CDH13: variants seen among roughly 807,000 people sequenced by gnomAD.
The protein encoded by CDH13 is cadherin-13.
Under a neutral mutation model 63.8 loss-of-function variants are expected in CDH13, and 24 were observed. That is an observed-to-expected ratio of 0.38 (90% CI 0.27 to 0.53). The LOEUF (loss-of-function observed/expected upper bound fraction) is 0.53. CDH13 is among the 20% of genes least tolerant of loss of function. CDH13 has a pLI of 0.85. For synonymous variants in CDH13, 503 were observed against 355.3 expected, an observed-to-expected ratio of 1.42 and a Z score of -4.67; for missense variants, 1,049 against 903.1, an observed-to-expected ratio of 1.16 and a Z score of -2.07.
At chr16:83,631,214 C>T (rs1910751605) in intron 8 of CDH13, among the ~76,000 whole-genome samples, 1 of 152,104 alleles carries the variant, frequency 6.6e-6, no homozygotes, top group Non-Finnish European at 1.5e-5. Flanking sequence ...GAATTCTGCT[C>T]CTGGAAGAAT....
intron 5 of CDH13, among the ~76,000 whole-genome samples, chr16:83,267,101 G>C (rs1280840797): frequency 2.6e-5 from 4 of 152,166 alleles, no homozygotes; most frequent in Admixed American, 6.5e-5. Flanking sequence ...GTGAAATCCT[G>C]AAGTGCAGCA....
chr16:82,801,712 C>A (rs1484314356), intron 1 of CDH13, among the ~76,000 whole-genome samples: 2 of 152,212 alleles, frequency 1.3e-5, no homozygotes, highest in Admixed American at 1.3e-4. Flanking sequence ...ACATGACATA[C>A]AAAATTATTC....
intron 1 of CDH13, among the ~76,000 whole-genome samples, chr16:82,679,926 C>G (rs953310212): frequency 3.3e-5 from 5 of 152,148 alleles, no homozygotes; most frequent in African/African-American, 1.2e-4. Context: ...CGAGTATGAG[C>G]CCACAGGAAA....
chr16:82,685,762 C>G (rs1385264745), intron 1 of CDH13, among the ~76,000 whole-genome samples: 2 of 152,176 alleles, frequency 1.3e-5, no homozygotes, highest in African/African-American at 2.4e-5. Flanking sequence ...CCTATGTGCC[C>G]TCAGCCCTGT....
At chr16:82,807,432 G>T (rs1176001283) in intron 1 of CDH13, among the ~76,000 whole-genome samples, 2 of 152,158 alleles carry the variant, frequency 1.3e-5, no homozygotes, top group East Asian at 3.9e-4. Flanking sequence ...GAATAGCAGG[G>T]TTAGAACAAT....
chr16:83,664,580 A>C (rs143286914), intron 8 of CDH13, among the ~76,000 whole-genome samples: 2 of 151,368 alleles, frequency 1.3e-5, no homozygotes, highest in African/African-American at 4.8e-5. Flanking sequence ...AGTGCACACA[A>C]ACATGATGTG....
At position 83,315,031 on chromosome 16, in the gene CDH13, A is replaced by G. The variant is rs145382888; in HGVS notation, c.637-29831A>G. On this transcript the variant is annotated intron_variant, in intron 5 of 13. Transcript: ENST00000567109. ...CTGTGTGACTTTGGACAAGGCACTT[A>G]TATTCAACTACAAAAGGGTCACCCA... Among the ~76,000 whole-genome samples the G allele has an allele frequency of 1.4e-4, 21 of 152,324 alleles. No individual in the cohort carries two copies. In the East Asian group the frequency reaches 3.3e-3, roughly 24 times the overall value.
chr16:83,421,066 AG>A (rs2071700610), intron 6 of CDH13, among the ~76,000 whole-genome samples: 1 of 152,190 alleles, frequency 6.6e-6, no homozygotes. Context: ...AAGCTGTGTA[AG>A]TGGATAAGAT....
chr16:83,159,230 T>G (rs562607754), intron 4 of CDH13, among the ~76,000 whole-genome samples: 1 of 152,346 alleles, frequency 6.6e-6, no homozygotes, highest in Non-Finnish European at 1.5e-5. Context: ...CTGCTGATTC[T>G]ATATCTCTGA....
chr16:83,370,944 C>G (rs1478635847), intron 6 of CDH13, among the ~76,000 whole-genome samples: 1 of 152,158 alleles, frequency 6.6e-6, no homozygotes, highest in Non-Finnish European at 1.5e-5. Flanking sequence ...TGCTCAACAT[C>G]ACTAATCATT....
At chr16:82,805,937 G>A (rs1035533261) in intron 1 of CDH13, among the ~76,000 whole-genome samples, 8 of 152,142 alleles carry the variant, frequency 5.3e-5, no homozygotes, top group Admixed American at 1.3e-4. Flanking sequence ...CTTTCTACCA[G>A]TTGGTGAAAA....
rs549728356 is a variant in CDH13 at position 82,789,173 on chromosome 16, G to A, written c.46-69189G>A. Among the ~76,000 whole-genome samples the A allele has an allele frequency of 2.0e-5, 3 of 152,312 alleles. No homozygotes were observed. In the South Asian group the frequency reaches 6.2e-4, roughly 32 times the overall value. ...CCTACCCTTAAGGTGCCCTGGAGGG[G>A]TTGAAGGGCCATTCTTGGTCATCCA... On this transcript the variant is annotated intron_variant, in intron 1 of 13. Coordinates refer to ENST00000567109, the MANE Select transcript of CDH13 (RefSeq NM_001257.5).
At chr16:83,110,032 G>C (rs982197878) in intron 3 of CDH13, among the ~76,000 whole-genome samples, 31 of 152,332 alleles carry the variant, frequency 2.0e-4, no homozygotes, top group East Asian at 1.9e-4. Flanking sequence ...TTAACTAGCG[G>C]TTCAAACGTG....
chr16:83,586,741 A>G (rs929169057), intron 7 of CDH13, among the ~76,000 whole-genome samples: 3 of 152,152 alleles, frequency 2.0e-5, no homozygotes, highest in Non-Finnish European at 4.4e-5. Flanking sequence ...TGGTCAGAGA[A>G]GCTGACTGTA....
chr16:83,715,405 G>C (rs1022187061), intron 10 of CDH13, among the ~76,000 whole-genome samples: 9 of 152,210 alleles, frequency 5.9e-5, no homozygotes, highest in Admixed American at 5.9e-4. Flanking sequence ...TCCTCAGGCA[G>C]TTGTTTGTTT....
At chr16:83,062,057 C>G (rs1451789482) in intron 3 of CDH13, among the ~76,000 whole-genome samples, 1 of 152,190 alleles carries the variant, frequency 6.6e-6, no homozygotes, top group Non-Finnish European at 1.5e-5. Context: ...ATCAGGATGG[C>G]TGAGGCTTTA....
At chr16:82,975,334 C>G (rs1763326459) in intron 2 of CDH13, among the ~76,000 whole-genome samples, 1 of 152,174 alleles carries the variant, frequency 6.6e-6, no homozygotes, top group South Asian at 2.1e-4. Context: ...GCTGTGTGGA[C>G]TCCATGGAAG....
At chr16:82,933,008 A>G (rs1007556004) in intron 2 of CDH13, among the ~76,000 whole-genome samples, 1 of 152,126 alleles carries the variant, frequency 6.6e-6, no homozygotes, top group Non-Finnish European at 1.5e-5. Flanking sequence ...TGACTTACCA[A>G]TTTCATATTT....
intron 5 of CDH13, among the ~76,000 whole-genome samples, chr16:83,277,063 A>G (rs767677057): frequency 6.6e-6 from 1 of 152,188 alleles, no homozygotes; most frequent in Non-Finnish European, 1.5e-5. Context: ...GTGGGAGTTC[A>G]AGATGAAATT....
Sources: gnomAD v4.1 joint callset for allele counts (sites outside exome capture counted in the v4.1 genomes callset) on GRCh38, gnomAD v4.1.1 for gene constraint, MANE v1.5 for transcripts, NCBI Gene and HGNC (gene_info 2026-07-23, HGNC 2026-07-21) for gene names.